The following ARFGEF2 variants were observed in gnomAD, a reference collection of about 807,000 sequenced individuals.
ARFGEF2 encodes ARF guanine nucleotide exchange factor 2.
Under a neutral mutation model 219.9 loss-of-function variants are expected in ARFGEF2, and 74 were observed. That is an observed-to-expected ratio of 0.34 (90% CI 0.28 to 0.41). ARFGEF2 has a LOEUF of 0.41. Among genes scored for constraint, ARFGEF2 ranks in the 10% least tolerant of loss-of-function variants. The pLI is 1.00. For missense variants in ARFGEF2, 1,743 were observed against 2,218.3 expected, an observed-to-expected ratio of 0.79 and a Z score of 4.30; for synonymous variants, 733 against 799.2, an observed-to-expected ratio of 0.92 and a Z score of 1.40.
intron 3 of ARFGEF2, 65 bp downstream of exon 3, chr20:48,942,052 G>A (rs1338316325): frequency 1.2e-6 from 2 of 1,604,106 alleles, no homozygotes; most frequent in East Asian, 2.2e-5. Context: ...TCCTTACACA[G>A]AACTATGCTG....
chr20:48,945,597 C>T (rs758667650), intron 3 of ARFGEF2, among the ~76,000 whole-genome samples: 5 of 152,172 alleles, frequency 3.3e-5, no homozygotes, highest in Non-Finnish European at 7.3e-5. Flanking sequence ...GGTGCAGTGG[C>T]TCACGCCTGT....
chr20:48,969,101 C>T (rs763765079), intron 8 of ARFGEF2, 46 bp from the exon 9 acceptor site: 3 of 1,598,432 alleles, frequency 1.9e-6, no homozygotes, highest in African/African-American at 2.7e-5. Context: ...GCTGGGACTA[C>T]AGGTGGGTGC....
intron 16 of ARFGEF2, among the ~76,000 whole-genome samples, 168 bp from the exon 17 acceptor site, chr20:48,988,136 C>G (rs1012756438): frequency 6.6e-6 from 1 of 152,152 alleles, no homozygotes; most frequent in Non-Finnish European, 1.5e-5. Flanking sequence ...TTTCTACACT[C>G]TGGGTTGCTA....
At position 49,013,828 on chromosome 20, in the gene ARFGEF2, C is replaced by T. The variant is rs958610708; in HGVS notation, c.4050-3C>T. The T allele has an allele frequency of 2.5e-6, 4 of 1,613,992 alleles. No individual in the cohort carries two copies. The highest frequency in any genetic ancestry group is 2.7e-5 in the African/African-American group (2 of 74,902). ...CTTCTGTGCCTGACTTTGTTTCCTC[C>T]AGGGGACTCACAGTCATGTTTGAGA... On this transcript the variant is annotated splice_region_variant and splice_polypyrimidine_tract_variant and intron_variant, in intron 29 of 38. Coordinates refer to ENST00000371917, the MANE Select transcript of ARFGEF2 (RefSeq NM_006420.3).
chr20:48,976,664 C>T (rs190846749), intron 14 of ARFGEF2, among the ~76,000 whole-genome samples: 111 of 152,036 alleles, frequency 7.3e-4, no homozygotes, highest in African/African-American at 2.4e-3. Context: ...AAAAATTAGC[C>T]GGGCGTGGTG....
intron 25 of ARFGEF2, among the ~76,000 whole-genome samples, 162 bp downstream of exon 25, chr20:48,998,667 TA>T (rs1308101316): frequency 6.6e-6 from 1 of 152,178 alleles, no homozygotes; most frequent in Non-Finnish European, 1.5e-5. Context: ...ATATCATACT[TA>T]TATATTGGTA....
chr20:48,928,805 C>G (rs1364641663), intron 1 of ARFGEF2, among the ~76,000 whole-genome samples: 1 of 152,220 alleles, frequency 6.6e-6, no homozygotes, highest in East Asian at 1.9e-4. Context: ...GTGTTGCAGT[C>G]TTTAAAGGAA....
At chr20:48,959,971 T>A (rs1040421800) in intron 6 of ARFGEF2, among the ~76,000 whole-genome samples, 1 of 152,204 alleles carries the variant, frequency 6.6e-6, no homozygotes, top group African/African-American at 2.4e-5. Context: ...GTATGAAAAC[T>A]GTTATTTTGT....
At chr20:49,010,190 C>T (rs753484734) in intron 26 of ARFGEF2, 42 bp from the exon 27 acceptor site, 1 of 1,595,466 alleles carries the variant, frequency 6.3e-7, no homozygotes, top group East Asian at 2.2e-5. Flanking sequence ...TCTTCCCATT[C>T]TCCAAAGTAC....
At chr20:48,986,311 G>A (rs1213761211) in intron 16 of ARFGEF2, among the ~76,000 whole-genome samples, 2 of 152,166 alleles carry the variant, frequency 1.3e-5, no homozygotes, top group Non-Finnish European at 2.9e-5. Context: ...AGCCAGGGTT[G>A]AATATGGATT....
chr20:48,934,943 A>G (rs532324558), intron 1 of ARFGEF2, among the ~76,000 whole-genome samples: 1 of 152,194 alleles, frequency 6.6e-6, no homozygotes, highest in Non-Finnish European at 1.5e-5. Flanking sequence ...GTCTTCCACA[A>G]TGGTTGAACT....
intron 14 of ARFGEF2, among the ~76,000 whole-genome samples, chr20:48,980,063 A>T (rs922461462): frequency 4.0e-5 from 6 of 151,802 alleles, no homozygotes; most frequent in South Asian, 2.1e-4. Context: ...AGTTCTTTTA[A>T]TTGTGATGTT....
At chr20:48,928,646 C>T (rs904430487) in intron 1 of ARFGEF2, among the ~76,000 whole-genome samples, 45 of 147,450 alleles carry the variant, frequency 3.1e-4, no homozygotes, top group African/African-American at 1.1e-3. Flanking sequence ...AGGCGCCCGC[C>T]ACCACACCCA....
chr20:48,928,503 CT>C (rs1374476353), intron 1 of ARFGEF2, among the ~76,000 whole-genome samples: 54 of 100,624 alleles, frequency 5.4e-4, no homozygotes, highest in Admixed American at 1.0e-3. Context: ...CGGCCGCAAT[CT>C]TTTTTTTTTT....
At chr20:48,989,162 T>G in intron 18 of ARFGEF2, 123 bp from the exon 19 acceptor site, 1 of 1,105,890 alleles carries the variant, frequency 9.0e-7, no homozygotes, top group Non-Finnish European at 1.3e-6. Context: ...ATATTTGTAA[T>G]GGACTCACGA....
intron 8 of ARFGEF2, among the ~76,000 whole-genome samples, chr20:48,966,329 A>G (rs1247082390): frequency 2.0e-5 from 3 of 152,186 alleles, no homozygotes; most frequent in Admixed American, 6.5e-5. Context: ...ATATATAGTT[A>G]CCCGTCTTTC....
In ARFGEF2 at chr20:49,012,520, G is replaced by T. The variant is rs1164633990; in HGVS notation, c.3918+436G>T. Among the ~76,000 whole-genome samples, 10 of 149,520 alleles carry T rather than the reference G, an allele frequency of 6.7e-5. No individual in the cohort carries two copies. In the East Asian group the frequency reaches 1.8e-3, roughly 27 times the overall value. ...TTTTTGTTTGTTTGTTTGTTTTTTT[G>T]ATGTGTCTCATCTTTCTAAAGAGGC... On this transcript the variant is annotated intron_variant, in intron 28 of 38. Transcript: ENST00000371917.
chr20:48,966,252 A>G (rs1288727505), intron 8 of ARFGEF2, among the ~76,000 whole-genome samples: 1 of 152,202 alleles, frequency 6.6e-6, no homozygotes, highest in Non-Finnish European at 1.5e-5. Flanking sequence ...TCAGACTTCT[A>G]ATACTTAAAT....
intron 3 of ARFGEF2, among the ~76,000 whole-genome samples, chr20:48,950,866 A>G (rs1306532784): frequency 1.4e-5 from 2 of 144,454 alleles, no homozygotes; most frequent in Non-Finnish European, 3.0e-5. Context: ...ATACATGCAC[A>G]CACACACACA....
Sources: gnomAD v4.1 joint callset for allele counts (sites outside exome capture counted in the v4.1 genomes callset) on GRCh38, gnomAD v4.1.1 for gene constraint, MANE v1.5 for transcripts, NCBI Gene and HGNC (gene_info 2026-07-23, HGNC 2026-07-21) for gene names.